ADAMDEC1: variants seen among roughly 807,000 people sequenced by gnomAD.
ADAMDEC1 encodes the protein ADAM like decysin 1, also known as ADAM DEC1.
In ADAMDEC1, 62 loss-of-function variants were observed where a neutral mutation model predicts 60.4. The observed-to-expected ratio is 1.03, with a 90% CI of 0.84 to 1.27. The LOEUF is 1.27. Ranked by LOEUF, ADAMDEC1 falls within the 50% of genes most tolerant of loss-of-function variation. The pLI is 0.00. For synonymous variants in ADAMDEC1, 210 were observed against 195.1 expected (o/e 1.08, Z -0.64); for missense variants, 595 against 565.0 (o/e 1.05, Z -0.54).
chr8:24,394,244 TA>T lies in ADAMDEC1; in HGVS notation c.363+101del, dbSNP rs1314177194. ...ATCTCCAAAGGGCTCAATTATTTTA[TA>T]AAATTCATAGGTCCATGAACAGCTT... On this transcript the variant is annotated intron_variant, in intron 4 of 13. Transcript: ENST00000256412. 3 of 932,682 alleles carry T rather than the reference TA, an allele frequency of 3.2e-6. No individual in the cohort carries two copies. The African/African-American group carries it at 5.0e-5, about 16-fold the overall frequency. The allele number at this position is 932,682 out of a possible 1,614,324, so 57.8% of individuals were successfully genotyped here.
chr8:24,384,717 T>C (rs574714968), intron 1 of ADAMDEC1, 125 bp downstream of exon 1: 2 of 838,776 alleles, frequency 2.4e-6, no homozygotes, highest in Admixed American at 6.3e-5. Context: ...TGCATTTTGG[T>C]AGATTTTCTA....
At chr8:24,391,297 T>C (rs1203199144) in intron 1 of ADAMDEC1, among the ~76,000 whole-genome samples, 1 of 152,172 alleles carries the variant, frequency 6.6e-6, no homozygotes, top group East Asian at 1.9e-4. Context: ...GAAATAAGAC[T>C]GACCTTGTAT....
At chr8:24,405,221 T>G in intron 13 of ADAMDEC1, 71 bp from the exon 14 acceptor site, 1 of 1,367,036 alleles carries the variant, frequency 7.3e-7, no homozygotes, top group Non-Finnish European at 1.0e-6. Context: ...ACATTTTCAT[T>G]ATCATTATTA....
intron 8 of ADAMDEC1, 106 bp from the exon 9 acceptor site, chr8:24,398,768 C>A: frequency 1.7e-5 from 21 of 1,236,418 alleles, no homozygotes; most frequent in Non-Finnish European, 2.0e-5. Flanking sequence ...AATGGAAATT[C>A]ATTACTTGTA....
rs1245882948 is a variant in ADAMDEC1 at position 24,398,469 on chromosome 8, G to A, written c.691-11G>A. Reference sequence around the variant, plus strand: ...GCTATTTCACTATACTTTGTGTTTTGTATTTTACAGTATAAGAACTATAAT... The same window carrying A: ...GCTATTTCACTATACTTTGTGTTTTATATTTTACAGTATAAGAACTATAAT... On this transcript the variant is annotated splice_polypyrimidine_tract_variant and intron_variant, in intron 7 of 13. Coordinates refer to ENST00000256412, the MANE Select transcript of ADAMDEC1 (RefSeq NM_014479.3). The A allele has an allele frequency of 6.6e-7, 1 of 1,510,184 alleles. No homozygotes were observed. The highest frequency in any genetic ancestry group is 9.1e-7 in the Non-Finnish European group (1 of 1,096,954). The allele number at this position is 1,510,184 out of a possible 1,614,324, so 93.5% of individuals were successfully genotyped here.
Position 24,399,017 on chromosome 8 carries a change from C to G in ADAMDEC1, c.906C>G (p.Ile302Met), listed in dbSNP as rs939462790. The G allele has an allele frequency of 6.2e-7, 1 of 1,613,240 alleles. No homozygotes were observed. The highest frequency in any genetic ancestry group is 8.5e-7 in the Non-Finnish European group (1 of 1,179,616). Reference sequence around the variant, plus strand: ...ACAGTTCTAACCTGGGGAAAAAGATCCACGACCATGCTCAGCTTCTCAGGT... The same window carrying G: ...ACAGTTCTAACCTGGGGAAAAAGATGCACGACCATGCTCAGCTTCTCAGGT... ...RWHSSNLGKK[I>M]HDHAQLLSGI... Residue 302 changes from isoleucine to methionine, a missense_variant, in exon 9 of 14, where the codon ATC (isoleucine) becomes ATG (methionine). Coordinates refer to ENST00000256412, the MANE Select transcript of ADAMDEC1 (RefSeq NM_014479.3).
At chr8:24,397,606 A>C in intron 6 of ADAMDEC1, 77 bp from the exon 7 acceptor site, 1 of 1,498,048 alleles carries the variant, frequency 6.7e-7, no homozygotes, top group South Asian at 1.2e-5. Flanking sequence ...ATTTTAGGAA[A>C]ACAAGTCTCC....
chr8:24,391,486 C>T (rs1457293045), intron 1 of ADAMDEC1, among the ~76,000 whole-genome samples: 1 of 152,128 alleles, frequency 6.6e-6, no homozygotes, highest in Admixed American at 6.6e-5. Context: ...GGGCATAAGA[C>T]CACATCTTTT....
chr8:24,400,883 G>A (rs150905805), intron 11 of ADAMDEC1, among the ~76,000 whole-genome samples: 126 of 146,978 alleles, frequency 8.6e-4, no homozygotes, highest in African/African-American at 2.7e-3. Context: ...AAGAAAATGC[G>A]GTGTTTGGTT....
chr8:24,402,156 T>C (rs910469341), intron 12 of ADAMDEC1, 64 bp downstream of exon 12: 9 of 1,405,516 alleles, frequency 6.4e-6, no homozygotes, highest in Non-Finnish European at 8.7e-6. Context: ...TTTCCAATAT[T>C]CTTTTGGAAA....
chr8:24,385,679 A>T (rs1350336434), intron 1 of ADAMDEC1, among the ~76,000 whole-genome samples: 1 of 152,166 alleles, frequency 6.6e-6, no homozygotes, highest in Non-Finnish European at 1.5e-5. Context: ...CTGGCCAAAA[A>T]TCAAATCCAT....
At position 24,405,997 on chromosome 8, in the gene ADAMDEC1, A is replaced by C. The variant is rs1008773426; in HGVS notation, c.*699A>C. 2 of 152,186 alleles carry C rather than the reference A, an allele frequency of 1.3e-5. No homozygotes were observed. Among genetic ancestry groups the C allele is most frequent in the Non-Finnish European group, 2.9e-5 (2 of 68,028 alleles). 9.4% of individuals were successfully genotyped at this position (152,186 alleles called of 1,614,324 possible). On this transcript the variant is annotated 3_prime_UTR_variant, in exon 14 of 14. Coordinates refer to ENST00000256412, the MANE Select transcript of ADAMDEC1 (RefSeq NM_014479.3). ...TTTATTGAACCATAATGTCAATAAA[A>C]ACACAACTTTTGAGGCTTTTCTGTG...
chr8:24,403,854 C>T, intron 12 of ADAMDEC1, 149 bp from the exon 13 acceptor site: 1 of 576,816 alleles, frequency 1.7e-6, no homozygotes. Flanking sequence ...TTTTCAATGT[C>T]CTTGGTCATT....
chr8:24,396,290 CAGG>C (rs1489588335), intron 5 of ADAMDEC1, among the ~76,000 whole-genome samples: 1 of 152,134 alleles, frequency 6.6e-6, no homozygotes, highest in Non-Finnish European at 1.5e-5. Flanking sequence ...GCGGGCAGAT[CAGG>C]AGGTCAGAAG....
At chr8:24,395,272 T>C (rs371958162) in intron 4 of ADAMDEC1, among the ~76,000 whole-genome samples, 2 of 152,236 alleles carry the variant, frequency 1.3e-5, no homozygotes, top group Admixed American at 6.5e-5. Flanking sequence ...TTTACTTATT[T>C]GTAATGCACA....
intron 3 of ADAMDEC1, 127 bp downstream of exon 3, chr8:24,393,465 C>T: frequency 1.9e-6 from 1 of 530,534 alleles, no homozygotes; most frequent in Admixed American, 3.7e-5. Context: ...TTAGATGATA[C>T]TAGTTTGTGC....
chr8:24,397,351 A>G lies in ADAMDEC1; in HGVS notation c.522A>G (p.Thr174=). Residue 174 remains threonine (T), a synonymous_variant, in exon 6 of 14, where the codon ACA becomes ACG. Transcript: ENST00000256412. ...ACGAGAAAGAACATGCCGTCTTTACATCTAACCAGGAGGAACAAGACCCAG... is the reference window on the plus strand; with the variant it reads ...ACGAGAAAGAACATGCCGTCTTTACGTCTAACCAGGAGGAACAAGACCCAG... ...STDEKEHAVF[T]SNQEEQDPAN... 1 of 1,614,102 alleles carries G rather than the reference A, an allele frequency of 6.2e-7. No homozygotes were observed. The highest frequency in any genetic ancestry group is 8.5e-7 in the Non-Finnish European group (1 of 1,179,962).
Position 24,394,072 on chromosome 8 carries a change from C to A in ADAMDEC1, c.288C>A (p.His96Gln). 1 of 1,612,016 alleles carries A rather than the reference C, an allele frequency of 6.2e-7. No homozygotes were observed. Among genetic ancestry groups the A allele is most frequent in the Non-Finnish European group, 8.5e-7 (1 of 1,178,284 alleles). ...EIILSLQKTKHLLGPDYTETL... is the reference protein window; with the variant it reads ...EIILSLQKTKQLLGPDYTETL... ...TGCAGCTCTCTGCTCTCTACAGGCACCTCCTGGGGCCAGACTACACTGAAA... is the reference window on the plus strand; with the variant it reads ...TGCAGCTCTCTGCTCTCTACAGGCAACTCCTGGGGCCAGACTACACTGAAA... Residue 96 changes from histidine to glutamine, a missense_variant, in exon 4 of 14, where the codon CAC (histidine) becomes CAA (glutamine). Transcript: ENST00000256412.
chr8:24,395,667 CAT>C, intron 4 of ADAMDEC1, 51 bp from the exon 5 acceptor site: 2 of 1,207,266 alleles, frequency 1.7e-6, no homozygotes, highest in Non-Finnish European at 2.4e-6. Flanking sequence ...CACACACTCA[CAT>C]ACACACACAC....
Sources: gnomAD v4.1 joint callset for allele counts (sites outside exome capture counted in the v4.1 genomes callset) on GRCh38, gnomAD v4.1.1 for gene constraint, MANE v1.5 for transcripts, NCBI Gene and HGNC (gene_info 2026-07-23, HGNC 2026-07-21) for gene names.